The following LTBP1 variants were observed in gnomAD, a reference collection of about 807,000 sequenced individuals.
The protein encoded by LTBP1 is latent transforming growth factor beta binding protein 1.
LTBP1 carries 129 observed loss-of-function variants against 207.6 expected under a neutral mutation model. The ratio of observed to expected loss-of-function variants is 0.62; its 90% CI spans 0.54 to 0.72. The LOEUF (loss-of-function observed/expected upper bound fraction) is 0.72, where lower values mean the gene tolerates loss of function less well. LTBP1 is among the 30% of genes least tolerant of loss of function. The probability of loss-of-function intolerance (pLI) is 0.00; values close to 1 mark genes in which losing one functional copy is unlikely to be tolerated. For synonymous variants in LTBP1, 963 were observed against 833.7 expected (o/e 1.16, Z -2.67); for missense variants, 2,281 against 2,217.2 (o/e 1.03, Z -0.58).
chr2:32,950,408 A>T (rs1676920384), intron 2 of LTBP1, among the ~76,000 whole-genome samples: 1 of 152,068 alleles, frequency 6.6e-6, no homozygotes, highest in Admixed American at 6.6e-5. Context: ...AATACAAAAA[A>T]ATTAGCCAGG....
intron 2 of LTBP1, among the ~76,000 whole-genome samples, chr2:32,997,895 A>G (rs1369308123): frequency 2.6e-5 from 4 of 152,146 alleles, no homozygotes; most frequent in Admixed American, 1.3e-4. Context: ...TCTGGTTCCA[A>G]GTGTCCTTGT....
intron 22 of LTBP1, among the ~76,000 whole-genome samples, chr2:33,302,128 G>C (rs1041516300): frequency 3.9e-5 from 6 of 152,134 alleles, no homozygotes; most frequent in Non-Finnish European, 7.3e-5. Context: ...TTCACTACTT[G>C]TTTGGCTAAG....
At chr2:33,209,880 C>G (rs1399187481) in intron 7 of LTBP1, among the ~76,000 whole-genome samples, 1 of 152,130 alleles carries the variant, frequency 6.6e-6, no homozygotes, top group Admixed American at 6.5e-5. Flanking sequence ...TTGTCTCAGT[C>G]CACTCAAGAG....
chr2:33,148,187 C>A (rs1458112144), intron 5 of LTBP1, among the ~76,000 whole-genome samples: 1 of 152,120 alleles, frequency 6.6e-6, no homozygotes, highest in African/African-American at 2.4e-5. Flanking sequence ...TTGCGTAGGT[C>A]CATCCTTATT....
intron 31 of LTBP1, among the ~76,000 whole-genome samples, chr2:33,379,460 C>T (rs1461021142): frequency 6.6e-6 from 1 of 152,168 alleles, no homozygotes; most frequent in African/African-American, 2.4e-5. Flanking sequence ...CCACCCACCT[C>T]GGCCTCCCAA....
intron 5 of LTBP1, among the ~76,000 whole-genome samples, chr2:33,149,862 G>C (rs77854059): frequency 2.5e-3 from 380 of 152,308 alleles, no homozygotes; most frequent in African/African-American, 8.9e-3. Flanking sequence ...GGAATTCTGA[G>C]TGTGTTTATT....
At chr2:33,224,426 G>A (rs2091315765) in intron 9 of LTBP1, among the ~76,000 whole-genome samples, 1 of 152,084 alleles carries the variant, frequency 6.6e-6, no homozygotes, top group Admixed American at 6.6e-5. Flanking sequence ...TCTTGGTATG[G>A]TGTGTTTATT....
chr2:33,327,003 C>G (rs2094436440), intron 24 of LTBP1, among the ~76,000 whole-genome samples: 1 of 152,084 alleles, frequency 6.6e-6, no homozygotes, highest in Non-Finnish European at 1.5e-5. Context: ...TCAAAAAAAT[C>G]AAGATGTTTA....
intron 7 of LTBP1, among the ~76,000 whole-genome samples, chr2:33,213,017 A>C (rs932267452): frequency 6.6e-6 from 1 of 152,148 alleles, no homozygotes; most frequent in African/African-American, 2.4e-5. Context: ...TCATGTCTGC[A>C]CGTAGTCTCA....
In LTBP1 at chr2:33,282,447, C is replaced by T. The variant is rs1339835148; in HGVS notation, c.3112+2289C>T. On this transcript the variant is annotated intron_variant, in intron 19 of 33. Coordinates refer to ENST00000404816, the MANE Select transcript of LTBP1 (RefSeq NM_206943.4). ...GGTTATACTGAAATAGATTTTCCAT[C>T]TTAATTTTTTATAGTAGTAGAGCTT... 3.9e-5 allele frequency among the ~76,000 whole-genome samples: 6 copies of T among 152,034 alleles called. No homozygotes were observed. The East Asian group carries it at 9.7e-4, about 24-fold the overall frequency.
At chr2:33,181,164 A>G (rs2086591037) in intron 5 of LTBP1, among the ~76,000 whole-genome samples, 2 of 152,234 alleles carry the variant, frequency 1.3e-5, no homozygotes, top group South Asian at 4.1e-4. Flanking sequence ...GAACATTCTT[A>G]GAGTGCCTTT....
intron 8 of LTBP1, among the ~76,000 whole-genome samples, chr2:33,221,853 G>A (rs909230583): frequency 7.9e-5 from 12 of 152,202 alleles, no homozygotes; most frequent in African/African-American, 9.6e-5. Context: ...TTCAGTTAAC[G>A]TAATAAAGAT....
intron 2 of LTBP1, among the ~76,000 whole-genome samples, chr2:32,994,906 T>C (rs534202662): frequency 6.6e-6 from 1 of 152,322 alleles, no homozygotes; most frequent in East Asian, 1.9e-4. Context: ...TTAAAGCTCT[T>C]CAGCTGGGCT....
chr2:33,055,177 G>C (rs565839815), intron 3 of LTBP1, among the ~76,000 whole-genome samples: 5 of 152,262 alleles, frequency 3.3e-5, no homozygotes, highest in Admixed American at 1.3e-4. Context: ...GATGCCTCTA[G>C]ATTTTGTTCA....
chr2:33,259,399 TGA>T (rs770674221), intron 12 of LTBP1, among the ~76,000 whole-genome samples, 187 bp from the exon 13 acceptor site: 33 of 152,368 alleles, frequency 2.2e-4, no homozygotes, highest in Non-Finnish European at 3.8e-4. Context: ...GTAACAGCAC[TGA>T]GAGTTCTCTG....
At chr2:33,286,951 G>C (rs1384980836) in intron 19 of LTBP1, among the ~76,000 whole-genome samples, 1 of 152,126 alleles carries the variant, frequency 6.6e-6, no homozygotes, top group Non-Finnish European at 1.5e-5. Flanking sequence ...GGAGGGGGAA[G>C]AGATAGCATT....
intron 7 of LTBP1, among the ~76,000 whole-genome samples, chr2:33,194,549 C>T (rs1227604767): frequency 2.0e-5 from 3 of 152,184 alleles, no homozygotes; most frequent in Non-Finnish European, 4.4e-5. Flanking sequence ...AGAGCTCAAT[C>T]CAGAACAAGG....
intron 3 of LTBP1, among the ~76,000 whole-genome samples, chr2:33,047,044 T>C (rs116683165): frequency 0.094 from 14,309 of 152,240 alleles, 894 homozygotes; most frequent in Non-Finnish European, 0.14. Context: ...TCTATTTTAT[T>C]AATCTTTTCC....
At chr2:33,365,822 T>G (rs1419341914) in intron 31 of LTBP1, among the ~76,000 whole-genome samples, 1 of 152,230 alleles carries the variant, frequency 6.6e-6, no homozygotes, top group Non-Finnish European at 1.5e-5. Flanking sequence ...CAGTTCATTT[T>G]TTACTACAAT....
Sources: gnomAD v4.1 joint callset for allele counts (sites outside exome capture counted in the v4.1 genomes callset) on GRCh38, gnomAD v4.1.1 for gene constraint, MANE v1.5 for transcripts, NCBI Gene and HGNC (gene_info 2026-07-23, HGNC 2026-07-21) for gene names.